Variants in ANKS6 observed in about 807,000 individuals in gnomAD.
ANKS6 encodes ankyrin repeat and SAM domain-containing protein 6.
A neutral mutation model predicts 77.9 loss-of-function variants in ANKS6; 47 were observed. The ratio of observed to expected loss-of-function variants is 0.60; its 90% confidence interval spans 0.48 to 0.77. The LOEUF (loss-of-function observed/expected upper bound fraction) is 0.77. ANKS6 is among the 30% of genes least tolerant of loss of function. ANKS6 has a pLI of 0.00. For missense variants in ANKS6, 1,150 were observed against 1,159.1 expected (o/e 0.99, Z 0.11); for synonymous variants, 488 against 501.7 (o/e 0.97, Z 0.37).
intron 1 of ANKS6, among the ~76,000 whole-genome samples, chr9:98,790,899 C>T (rs1431675250): frequency 6.6e-6 from 1 of 152,206 alleles, no homozygotes; most frequent in Non-Finnish European, 1.5e-5. Context: ...GGGGATATAA[C>T]TGTACCTACT....
chr9:98,782,406 C>G, intron 5 of ANKS6, 61 bp downstream of exon 5: 1 of 1,483,166 alleles, frequency 6.7e-7, no homozygotes. Flanking sequence ...AGGTGCCTGT[C>G]TTGACTCCCA....
intron 11 of ANKS6, among the ~76,000 whole-genome samples, chr9:98,763,777 A>G (rs1238048361): frequency 6.6e-6 from 1 of 152,142 alleles, no homozygotes; most frequent in Non-Finnish European, 1.5e-5. Context: ...CCAATAGAGG[A>G]ATGAAAAAGG....
rs139200598 is a variant in ANKS6, at chr9:98,764,780, T to C, written c.2142+3301A>G. 2.8e-4 allele frequency among the ~76,000 whole-genome samples: 43 copies of C among 152,364 alleles called. No individual in the cohort carries two copies. In the East Asian group the frequency reaches 7.1e-3, roughly 25 times the overall value. ...CCCATATGATCTTGCATGTTGTTTA[T>C]ACCTTCTATTAGGACCTTTAACATA... On this transcript the variant is annotated intron_variant, in intron 11 of 14. Transcript: ENST00000353234.
intron 11 of ANKS6, among the ~76,000 whole-genome samples, chr9:98,767,712 G>C (rs1289306776): frequency 6.6e-6 from 1 of 152,224 alleles, no homozygotes; most frequent in African/African-American, 2.4e-5. Context: ...AAATGCTGAG[G>C]TGTGGGGCTG....
chr9:98,772,276 T>C (rs4743274), intron 9 of ANKS6, among the ~76,000 whole-genome samples: 146,247 of 152,278 alleles, frequency 0.96, 70,470 homozygotes, highest in African/African-American at 0.99. Flanking sequence ...TTTTGACAAA[T>C]GAGGAAGCAA....
chr9:98,760,625 T>C (rs2117959534), intron 11 of ANKS6, among the ~76,000 whole-genome samples: 1 of 152,338 alleles, frequency 6.6e-6, no homozygotes, highest in South Asian at 2.1e-4. Context: ...TGCCAGAATC[T>C]CATATAAATG....
chr9:98,739,015 A>T (rs1424249806), intron 14 of ANKS6, among the ~76,000 whole-genome samples: 2 of 152,164 alleles, frequency 1.3e-5, no homozygotes, highest in Non-Finnish European at 2.9e-5. Flanking sequence ...GTAACTCAGG[A>T]CTGAAGTAAC....
intron 3 of ANKS6, 111 bp downstream of exon 3, chr9:98,784,721 T>C: frequency 5.9e-6 from 6 of 1,016,578 alleles, no homozygotes; most frequent in Middle Eastern, 2.5e-4. Context: ...CCAAAATGCC[T>C]GTTTCTTTCT....
chr9:98,772,285 A>AATGTGACC (rs1259802969), intron 9 of ANKS6, among the ~76,000 whole-genome samples: 1 of 152,180 alleles, frequency 6.6e-6, no homozygotes, highest in Non-Finnish European at 1.5e-5. Context: ...ATGAGGAAGC[A>AATGTGACC]ATGTGACCAC....
Position 98,754,396 on chromosome 9 carries a change from C to T in ANKS6, c.2326+2024G>A, listed in dbSNP as rs556904568. ...GTGGCTCACACCTGTAATCCAAGCA[C>T]TTTGGGAGGCCGAGGCGGGCGGATC... On this transcript the variant is annotated intron_variant, in intron 12 of 14. Transcript: ENST00000353234. Among the ~76,000 whole-genome samples, 39 of 152,094 alleles carry T rather than the reference C, an allele frequency of 2.6e-4. 2 individuals carry two copies. The East Asian group carries it at 7.5e-3, about 29-fold the overall frequency.
At chr9:98,793,245 C>A (rs1337704464) in intron 1 of ANKS6, among the ~76,000 whole-genome samples, 1 of 152,220 alleles carries the variant, frequency 6.6e-6, no homozygotes, top group Non-Finnish European at 1.5e-5. Flanking sequence ...CAGGCACCAA[C>A]ACCAAGAGGG....
Position 98,743,851 on chromosome 9 carries a change from G to T in ANKS6, c.2511+1708C>A, listed in dbSNP as rs1048410012. ...CTGAGACATAAAGGCTCTTCTTCAT[G>T]AATAAATCAATGCCCCAGTCTTTAG... On this transcript the variant is annotated intron_variant, in intron 14 of 14. Transcript: ENST00000353234. 5.3e-5 allele frequency among the ~76,000 whole-genome samples: 8 copies of T among 152,288 alleles called. No individual in the cohort carries two copies. In the East Asian group the frequency reaches 1.5e-3, roughly 29 times the overall value.
chr9:98,778,451 C>T, intron 6 of ANKS6, 27 bp from the exon 7 acceptor site: 1 of 1,609,022 alleles, frequency 6.2e-7, no homozygotes, highest in Non-Finnish European at 8.5e-7. Context: ...GAGCAGAAGT[C>T]ATGCTCCAGG....
chr9:98,757,677 C>T (rs1832787553), intron 11 of ANKS6, among the ~76,000 whole-genome samples: 1 of 151,958 alleles, frequency 6.6e-6, no homozygotes, highest in African/African-American at 2.4e-5. Flanking sequence ...GCCTGTAATC[C>T]CAGCACTTTG....
chr9:98,796,282 G>T lies in ANKS6; in HGVS notation c.210C>A (p.Pro70=). 7.6e-7 allele frequency: 1 copy of T among 1,315,516 alleles called. No individual in the cohort carries two copies. The highest frequency in any genetic ancestry group is 2.2e-5 in the South Asian group (1 of 46,264). 81.5% of individuals were successfully genotyped at this position (1,315,516 alleles called of 1,614,324 possible). Residue 70 remains proline, a synonymous_variant, in exon 1 of 15, where the codon CCC becomes CCA. Coordinates refer to ENST00000353234, the MANE Select transcript of ANKS6 (RefSeq NM_173551.5). The part of the protein sequence containing the change: ...AAAGAVGAPV[P]VDCSDEAGNT... ...TGCCCGCCTCGTCCGAGCAATCCAC[G>T]GGCACCGGAGCCCCGACTGCCCCCG...
At chr9:98,777,018 G>C (rs1340031815) in intron 8 of ANKS6, among the ~76,000 whole-genome samples, 1 of 152,188 alleles carries the variant, frequency 6.6e-6, no homozygotes, top group Non-Finnish European at 1.5e-5. Flanking sequence ...ACATCTCTAA[G>C]TTACAGATGA....
At chr9:98,768,923 C>T (rs1476594608) in intron 10 of ANKS6, among the ~76,000 whole-genome samples, 1 of 151,968 alleles carries the variant, frequency 6.6e-6, no homozygotes, top group Non-Finnish European at 1.5e-5. Context: ...AGGTAGAGAT[C>T]GAGACCAGCC....
chr9:98,759,163 T>A (rs1278937795), intron 11 of ANKS6, among the ~76,000 whole-genome samples: 1 of 151,470 alleles, frequency 6.6e-6, no homozygotes, highest in Non-Finnish European at 1.5e-5. Flanking sequence ...TACAGAAGAG[T>A]TCCATCATCC....
Position 98,752,638 on chromosome 9 carries a change from A to T in ANKS6, c.2327-1542T>A, listed in dbSNP as rs10987601. Among the ~76,000 whole-genome samples, 883 of 152,284 alleles carry T rather than the reference A, an allele frequency of 5.8e-3. 18 individuals carry two copies. The highest frequency in any genetic ancestry group is 0.033 in the East Asian group (169 of 5,188). On this transcript the variant is annotated intron_variant, in intron 12 of 14. Transcript: ENST00000353234. ...GCTCTTTACAACACCAATGAGGTAG[A>T]TCCTATTACTGTCCCCATTTACAGA... is the stretch of plus-strand genomic sequence containing the variant.
Sources: allele counts gnomAD v4.1 joint callset (sites outside exome capture counted in the v4.1 genomes callset), GRCh38; gene constraint gnomAD v4.1.1; transcripts MANE v1.5; gene names NCBI Gene and HGNC (gene_info 2026-07-23, HGNC 2026-07-21).